Variants in FCRL2 observed in about 807,000 individuals in gnomAD.
The protein encoded by FCRL2 is Fc receptor-like protein 2.
FCRL2 carries 48 observed loss-of-function variants against 59.8 expected under a neutral mutation model. The ratio of observed to expected loss-of-function variants is 0.80; its 90% CI spans 0.64 to 1.02. FCRL2 has a LOEUF of 1.02. Among genes scored for constraint, FCRL2 ranks in the 50% least tolerant of loss-of-function variants. FCRL2 has a pLI of 0.00. For synonymous variants in FCRL2, 251 were observed against 229.5 expected (o/e 1.09, Z -0.85); for missense variants, 658 against 597.3 (o/e 1.10, Z -1.06).
intron 7 of FCRL2, among the ~76,000 whole-genome samples, chr1:157,755,589 G>A (rs1648526244): frequency 6.6e-6 from 1 of 152,072 alleles, no homozygotes; most frequent in Non-Finnish European, 1.5e-5. Context: ...TGTGTGTCAT[G>A]GAAAACAACT....
At chr1:157,773,273 T>C (rs1650166481) in intron 2 of FCRL2, among the ~76,000 whole-genome samples, 1 of 152,222 alleles carries the variant, frequency 6.6e-6, no homozygotes. Flanking sequence ...TCAGGCAGTC[T>C]TAAGGATTCT....
intron 9 of FCRL2, 27 bp from the exon 10 acceptor site, chr1:157,748,645 G>A: frequency 6.2e-7 from 1 of 1,601,754 alleles, no homozygotes; most frequent in Non-Finnish European, 8.6e-7. Flanking sequence ...AGAGTTCACA[G>A]ATGTTGGTGG....
chr1:157,773,692 G>T (rs1650196556), intron 2 of FCRL2, among the ~76,000 whole-genome samples: 1 of 152,196 alleles, frequency 6.6e-6, no homozygotes, highest in Non-Finnish European at 1.5e-5. Flanking sequence ...AAGTGTGCTG[G>T]CTCTACACTG....
At chr1:157,746,923 C>T (rs1455776355) in intron 10 of FCRL2, 24 bp from the exon 11 acceptor site, 1 of 1,610,734 alleles carries the variant, frequency 6.2e-7, no homozygotes, top group Non-Finnish European at 8.5e-7. Flanking sequence ...AGTAATAGTT[C>T]TGAGCTCTTG....
chr1:157,757,445 C>A (rs915097561), intron 7 of FCRL2, among the ~76,000 whole-genome samples: 1 of 151,858 alleles, frequency 6.6e-6, no homozygotes, highest in African/African-American at 2.4e-5. Context: ...ATGTAACAAA[C>A]CTGCACGTTC....
In FCRL2 at chr1:157,766,904, A is replaced by T; in HGVS notation, c.1230T>A (p.Gly410=). 6.2e-7 allele frequency: 1 copy of T among 1,614,198 alleles called. No individual in the cohort carries two copies. Among genetic ancestry groups the T allele is most frequent in the East Asian group, 2.2e-5 (1 of 44,884 alleles). ...ACAACAGCAAAGCAACACCAGTGAAACCAAGGACACCAAACAGTCCCCAGA... is the reference window on the plus strand; with the variant it reads ...ACAACAGCAAAGCAACACCAGTGAATCCAAGGACACCAAACAGTCCCCAGA... ...GVLWGLFGVL[G]FTGVALLLYA... is the part of the protein sequence containing the mutation. Residue 410 remains glycine, a synonymous_variant, in exon 7 of 12, where the codon GGT becomes GGA. Coordinates refer to ENST00000361516, the MANE Select transcript of FCRL2 (RefSeq NM_030764.4).
intron 7 of FCRL2, among the ~76,000 whole-genome samples, chr1:157,763,450 G>T (rs950878427): frequency 1.3e-5 from 2 of 152,122 alleles, no homozygotes; most frequent in East Asian, 1.9e-4. Flanking sequence ...TCTTGAACCC[G>T]AGAGGTGGAA....
rs559118093 is a variant in FCRL2, at chr1:157,770,110, C to T, written c.351G>A (p.Gln117=). 2 of 1,614,138 alleles carry T rather than the reference C, an allele frequency of 1.2e-6. No homozygotes were observed. Among genetic ancestry groups the T allele is most frequent in the Non-Finnish European group, 8.5e-7 (1 of 1,180,044 alleles). ...QRPVLTASSF[Q]PIEGGPVSLK... ...GGCTCACTGGACCCCCTTCGATGGG[C>T]TGGAAGGAGCTGGCAGTCAGCACAG... Residue 117 remains glutamine, a synonymous_variant, in exon 4 of 12, where the codon CAG becomes CAA. Coordinates refer to ENST00000361516, the MANE Select transcript of FCRL2 (RefSeq NM_030764.4).
At chr1:157,759,036 C>G (rs1189978128) in intron 7 of FCRL2, among the ~76,000 whole-genome samples, 2 of 152,176 alleles carry the variant, frequency 1.3e-5, no homozygotes, top group African/African-American at 4.8e-5. Context: ...CCCATAATCT[C>G]AATGTGTTGT....
chr1:157,763,464 G>T (rs990188603), intron 7 of FCRL2, among the ~76,000 whole-genome samples: 1 of 152,096 alleles, frequency 6.6e-6, no homozygotes, highest in African/African-American at 2.4e-5. Context: ...GGTGGAATTT[G>T]CAGGGAGCCA....
chr1:157,767,086 C>T lies in FCRL2; in HGVS notation c.1163-115G>A. 2.3e-6 allele frequency: 3 copies of T among 1,295,162 alleles called. No homozygotes were observed. The South Asian group carries it at 4.2e-5, about 18-fold the overall frequency. The allele number at this position is 1,295,162 out of a possible 1,614,324, so 80.2% of individuals were successfully genotyped here. A position where few individuals can be genotyped will look rare whatever the true frequency, so the allele number is the denominator to read the frequency against. On this transcript the variant is annotated intron_variant, in intron 6 of 11. Transcript: ENST00000361516. ...AAGTAAGAGATCATTGAAGTGTAGT[C>T]TGTACTCTTCAGGTTAGTGTGGGGA...
chr1:157,757,759 G>A (rs1419311468), intron 7 of FCRL2, among the ~76,000 whole-genome samples: 2 of 152,144 alleles, frequency 1.3e-5, no homozygotes, highest in Non-Finnish European at 2.9e-5. Context: ...TCAGGAGATC[G>A]AGACCATCCT....
At chr1:157,749,916 A>G (rs1348174648) in intron 7 of FCRL2, among the ~76,000 whole-genome samples, 1 of 152,160 alleles carries the variant, frequency 6.6e-6, no homozygotes, top group Non-Finnish European at 1.5e-5. Context: ...CCCGTCATGC[A>G]CTGGTAACTG....
intron 7 of FCRL2, among the ~76,000 whole-genome samples, chr1:157,755,303 A>G (rs1253727570): frequency 6.6e-6 from 1 of 152,180 alleles, no homozygotes; most frequent in African/African-American, 2.4e-5. Context: ...AGAAACATAA[A>G]TCAAAACTAC....
At chr1:157,767,179 G>A in intron 6 of FCRL2, 52 bp downstream of exon 6, 1 of 1,556,740 alleles carries the variant, frequency 6.4e-7, no homozygotes, top group Non-Finnish European at 8.7e-7. Context: ...CTCCAGGCTG[G>A]TGAGACACAG....
chr1:157,774,041 A>G (rs1282638489), intron 2 of FCRL2, among the ~76,000 whole-genome samples: 1 of 152,266 alleles, frequency 6.6e-6, no homozygotes, highest in Non-Finnish European at 1.5e-5. Context: ...ACAGGACTGA[A>G]TAATGTTTTT....
At chr1:157,769,552 CT>C in intron 4 of FCRL2, 2 of 237,152 alleles carry the variant, frequency 8.4e-6, no homozygotes, top group South Asian at 1.3e-4. Context: ...CTCAGCCTCC[CT>C]AGTAGCTGGG....
chr1:157,757,547 A>C (rs1648693511), intron 7 of FCRL2, among the ~76,000 whole-genome samples: 1 of 152,270 alleles, frequency 6.6e-6, no homozygotes, highest in Non-Finnish European at 1.5e-5. Flanking sequence ...ACACAAGAAG[A>C]ATTCGTGTGA....
At chr1:157,772,161 C>G (rs1650071657) in intron 2 of FCRL2, among the ~76,000 whole-genome samples, 1 of 150,804 alleles carries the variant, frequency 6.6e-6, no homozygotes, top group Non-Finnish European at 1.5e-5. Flanking sequence ...GACTCGGAAT[C>G]AAGCCAACTT....
Sources: gnomAD v4.1 joint callset for allele counts (sites outside exome capture counted in the v4.1 genomes callset) on GRCh38, gnomAD v4.1.1 for gene constraint, MANE v1.5 for transcripts, NCBI Gene and HGNC (gene_info 2026-07-23, HGNC 2026-07-21) for gene names.